Variants in CDH13 observed in about 807,000 individuals in gnomAD.
The protein encoded by CDH13 is cadherin-13.
In CDH13, 24 loss-of-function variants were observed where a neutral mutation model predicts 63.8. The observed-to-expected ratio is 0.38, with a 90% CI of 0.27 to 0.53. The LOEUF (loss-of-function observed/expected upper bound fraction) is 0.53. Among genes scored for constraint, CDH13 ranks in the 20% least tolerant of loss-of-function variants. CDH13 has a pLI of 0.85. For missense variants in CDH13, 1,049 were observed against 903.1 expected, an observed-to-expected ratio of 1.16 and a Z score of -2.07; for synonymous variants, 503 against 355.3, an observed-to-expected ratio of 1.42 and a Z score of -4.67.
chr16:82,812,468 G>T (rs1197356695), intron 1 of CDH13, among the ~76,000 whole-genome samples: 1 of 152,124 alleles, frequency 6.6e-6, no homozygotes, highest in East Asian at 1.9e-4. Context: ...CAGCCACAAA[G>T]ATAGGAGAAA....
chr16:83,436,590 G>T (rs531797915), intron 6 of CDH13, among the ~76,000 whole-genome samples: 1 of 152,328 alleles, frequency 6.6e-6, no homozygotes, highest in East Asian at 1.9e-4. Context: ...GAATGAATCT[G>T]TTAGCCTTCC....
intron 6 of CDH13, among the ~76,000 whole-genome samples, chr16:83,387,438 T>C (rs1050864081): frequency 1.1e-4 from 16 of 152,294 alleles, no homozygotes; most frequent in South Asian, 4.1e-4. Flanking sequence ...AAATGGATAT[T>C]AGCTCTTGGG....
At chr16:83,498,920 T>G (rs1466375320) in intron 7 of CDH13, among the ~76,000 whole-genome samples, 1 of 152,210 alleles carries the variant, frequency 6.6e-6, no homozygotes, top group East Asian at 1.9e-4. Context: ...TAGGAGGCTA[T>G]GGAGAACAGA....
At chr16:82,880,638 G>T (rs951300577) in intron 2 of CDH13, among the ~76,000 whole-genome samples, 1 of 152,178 alleles carries the variant, frequency 6.6e-6, no homozygotes, top group Non-Finnish European at 1.5e-5. Flanking sequence ...GGCCAACGGT[G>T]CCTGATTAGC....
intron 6 of CDH13, among the ~76,000 whole-genome samples, chr16:83,404,204 C>T (rs1030306981): frequency 4.6e-5 from 7 of 152,194 alleles, no homozygotes; most frequent in Admixed American, 2.0e-4. Context: ...GAACTGTTCA[C>T]GTTTCAGAAC....
intron 1 of CDH13, among the ~76,000 whole-genome samples, chr16:82,841,231 G>A (rs2038996338): frequency 6.6e-6 from 1 of 152,204 alleles, no homozygotes; most frequent in Non-Finnish European, 1.5e-5. Context: ...GCCTCTGCAA[G>A]CTAAAGGCCA....
intron 6 of CDH13, among the ~76,000 whole-genome samples, chr16:83,439,173 A>G (rs1195028656): frequency 6.6e-6 from 1 of 152,202 alleles, no homozygotes; most frequent in Non-Finnish European, 1.5e-5. Flanking sequence ...AGTAATACCT[A>G]TATTCTAATG....
intron 2 of CDH13, among the ~76,000 whole-genome samples, chr16:82,885,234 A>G (rs1250286615): frequency 1.3e-5 from 2 of 152,204 alleles, no homozygotes; most frequent in African/African-American, 2.4e-5. Context: ...ACATATTTCT[A>G]TAGTCTGGTT....
intron 13 of CDH13, among the ~76,000 whole-genome samples, chr16:83,793,801 G>A (rs1000164298): frequency 7.3e-6 from 1 of 136,300 alleles, no homozygotes. Context: ...AACAAAGTGA[G>A]ACTCTGTCTC....
chr16:83,420,273 G>A (rs1037562951), intron 6 of CDH13, among the ~76,000 whole-genome samples: 2 of 152,182 alleles, frequency 1.3e-5, no homozygotes, highest in African/African-American at 4.8e-5. Flanking sequence ...ACAATTGAGA[G>A]CATCAACTAA....
chr16:83,286,691 G>T (rs1285766609), intron 5 of CDH13, among the ~76,000 whole-genome samples: 1 of 151,396 alleles, frequency 6.6e-6, no homozygotes, highest in East Asian at 1.9e-4. Flanking sequence ...GGGAGGTGGA[G>T]GTTGCAGTGA....
chr16:83,206,654 C>T (rs1035804698), intron 4 of CDH13, among the ~76,000 whole-genome samples: 1 of 152,238 alleles, frequency 6.6e-6, no homozygotes, highest in African/African-American at 2.4e-5. Flanking sequence ...GTGGCCACTG[C>T]TCCTAGGACC....
At chr16:83,346,118 C>T (rs141649091) in intron 6 of CDH13, among the ~76,000 whole-genome samples, 1 of 152,304 alleles carries the variant, frequency 6.6e-6, no homozygotes, top group African/African-American at 2.4e-5. Flanking sequence ...CTCTTCCTTC[C>T]CAGCTTTAAA....
At chr16:82,945,345 G>C (rs760300084) in intron 2 of CDH13, among the ~76,000 whole-genome samples, 2 of 152,074 alleles carry the variant, frequency 1.3e-5, no homozygotes, top group Non-Finnish European at 2.9e-5. Context: ...TTGGCTCTTG[G>C]ACCATAGTTG....
At chr16:83,022,224 T>C (rs562143910) in intron 2 of CDH13, among the ~76,000 whole-genome samples, 2 of 152,348 alleles carry the variant, frequency 1.3e-5, no homozygotes, top group African/African-American at 4.8e-5. Context: ...AAAGACATTG[T>C]CATGCCCCAG....
At chr16:83,672,631 G>T (rs552459107) in intron 9 of CDH13, among the ~76,000 whole-genome samples, 1 of 151,640 alleles carries the variant, frequency 6.6e-6, no homozygotes, top group African/African-American at 2.4e-5. Flanking sequence ...CACCAGGTTG[G>T]CCAGGCTGGT....
intron 2 of CDH13, among the ~76,000 whole-genome samples, chr16:82,869,088 C>T (rs909715900): frequency 2.0e-5 from 3 of 152,086 alleles, no homozygotes; most frequent in Non-Finnish European, 4.4e-5. Context: ...TCCCTGTTAC[C>T]CAGGCTGGAG....
rs546764077 is a variant in CDH13, at chr16:83,514,938, C to A, written c.960+28283C>A. On this transcript the variant is annotated intron_variant, in intron 7 of 13. Coordinates refer to ENST00000567109, the MANE Select transcript of CDH13 (RefSeq NM_001257.5). ...TCCGGTTTGTGACGTGTAGTTACTG[C>A]AGCTCCTGGACACTGAGATGCCCCT... Among the ~76,000 whole-genome samples the A allele has an allele frequency of 4.5e-4, 68 of 152,280 alleles. 1 individual carries two copies. The highest frequency in any genetic ancestry group is 4.4e-3 in the Admixed American group (68 of 15,288).
Position 83,603,094 on chromosome 16 carries a change from C to G in CDH13, c.1101+500C>G, listed in dbSNP as rs114427464. ...CCATTATTCATTCTCAGTCCCTGTG[C>G]TTTTATGATTATGGATCATGGTTGT... On this transcript the variant is annotated intron_variant, in intron 8 of 13. Coordinates refer to ENST00000567109, the MANE Select transcript of CDH13 (RefSeq NM_001257.5). 1.2e-3 allele frequency among the ~76,000 whole-genome samples: 185 copies of G among 152,282 alleles called. 1 individual carries two copies. Among genetic ancestry groups the G allele is most frequent in the African/African-American group, 4.1e-3 (170 of 41,566 alleles).
Sources: allele counts gnomAD v4.1 joint callset (sites outside exome capture counted in the v4.1 genomes callset), GRCh38; gene constraint gnomAD v4.1.1; transcripts MANE v1.5; gene names NCBI Gene and HGNC (gene_info 2026-07-23, HGNC 2026-07-21).